DCHS2: variants seen among roughly 807,000 people sequenced by gnomAD.
DCHS2 encodes dachsous cadherin-related 2.
DCHS2 carries 142 observed loss-of-function variants against 182.4 expected under a neutral mutation model. The observed-to-expected ratio is 0.78, with a 90% CI of 0.68 to 0.89. The LOEUF is 0.89. DCHS2 is among the 40% of genes least tolerant of loss of function. The pLI is 0.00. For missense variants in DCHS2, 4,319 were observed against 4,198.6 expected, an observed-to-expected ratio of 1.03 and a Z score of -0.79; for synonymous variants, 1,740 against 1,663.3, an observed-to-expected ratio of 1.05 and a Z score of -1.12.
intron 1 of DCHS2, among the ~76,000 whole-genome samples, chr4:154,455,902 C>T (rs989296401): frequency 6.6e-6 from 1 of 152,038 alleles, no homozygotes; most frequent in Non-Finnish European, 1.5e-5. Context: ...CCAGCCTGGC[C>T]AACATGGTGA....
At chr4:154,288,111 C>A (rs1734490740) in intron 13 of DCHS2, among the ~76,000 whole-genome samples, 1 of 151,926 alleles carries the variant, frequency 6.6e-6, no homozygotes. Context: ...ACTAAACTCC[C>A]CAATCAAAAG....
chr4:154,339,414 CAAGTT>C (rs1728959320), intron 3 of DCHS2, among the ~76,000 whole-genome samples: 1 of 151,754 alleles, frequency 6.6e-6, no homozygotes, highest in African/African-American at 2.4e-5. Flanking sequence ...GTGGACTATT[CAAGTT>C]AACACATAAA....
intron 1 of DCHS2, among the ~76,000 whole-genome samples, chr4:154,475,982 T>A (rs1735664761): frequency 6.6e-6 from 1 of 152,146 alleles, no homozygotes; most frequent in Non-Finnish European, 1.5e-5. Flanking sequence ...ATAAATCAAC[T>A]CATATTCTGC....
At chr4:154,487,944 G>C (rs1374724876) in intron 1 of DCHS2, among the ~76,000 whole-genome samples, 1 of 152,216 alleles carries the variant, frequency 6.6e-6, no homozygotes, top group Non-Finnish European at 1.5e-5. Flanking sequence ...TTGGGAGGCT[G>C]AGGCGGGAGT....
At chr4:154,421,041 G>A (rs1226780868) in intron 1 of DCHS2, among the ~76,000 whole-genome samples, 1 of 152,162 alleles carries the variant, frequency 6.6e-6, no homozygotes, top group Non-Finnish European at 1.5e-5. Context: ...CACACTCACT[G>A]ACAGTGATTT....
chr4:154,375,624 G>A (rs1730853598), intron 2 of DCHS2, among the ~76,000 whole-genome samples: 1 of 152,086 alleles, frequency 6.6e-6, no homozygotes, highest in Non-Finnish European at 1.5e-5. Context: ...ACCCCAGTGT[G>A]ATATATCATT....
Position 154,235,767 on chromosome 4 carries a change from C to G in DCHS2, c.8885G>C (p.Ser2962Thr). 1 of 1,613,904 alleles carries G rather than the reference C, an allele frequency of 6.2e-7. No homozygotes were observed. Among genetic ancestry groups the G allele is most frequent in the Non-Finnish European group, 8.5e-7 (1 of 1,179,876 alleles). Residue 2962 changes from serine (S) to threonine (T), a missense_variant, in exon 20 of 20, where the codon AGT (serine) becomes ACT (threonine). Transcript: ENST00000357232. ...DTLEMKIIAHSPKSDSKFASC... is the reference protein window; with the variant it reads ...DTLEMKIIAHTPKSDSKFASC... ...TGCAAACTTGGAATCTGATTTGGGA[C>G]TATGAGCGATTATTTTCATTTCCAA...
At chr4:154,429,293 T>C (rs1733464669) in intron 1 of DCHS2, among the ~76,000 whole-genome samples, 1 of 152,164 alleles carries the variant, frequency 6.6e-6, no homozygotes. Context: ...CATCATTTTT[T>C]TGGCTGCTTG....
intron 1 of DCHS2, among the ~76,000 whole-genome samples, chr4:154,400,258 G>A (rs148817882): frequency 0.014 from 1,878 of 133,816 alleles, 36 homozygotes; most frequent in African/African-American, 0.047. Context: ...AGCCGAGATT[G>A]CGCCACTGCA....
intron 1 of DCHS2, among the ~76,000 whole-genome samples, chr4:154,474,599 A>G (rs996844898): frequency 4.6e-5 from 7 of 152,128 alleles, no homozygotes; most frequent in African/African-American, 1.7e-4. Context: ...TGTTGTTCCC[A>G]AGAGCACACA....
intron 5 of DCHS2, among the ~76,000 whole-genome samples, chr4:154,330,932 T>A: frequency 6.6e-6 from 1 of 152,274 alleles, no homozygotes; most frequent in East Asian, 1.9e-4. Flanking sequence ...GCAAATCTGA[T>A]GGATAAGCAG....
chr4:154,246,814 T>G (rs1732094860), intron 16 of DCHS2, among the ~76,000 whole-genome samples: 1 of 151,856 alleles, frequency 6.6e-6, no homozygotes, highest in Non-Finnish European at 1.5e-5. Context: ...TCAGGAAATA[T>G]CTTCCCAAAA....
At chr4:154,288,867 C>CT (rs1307799157) in intron 13 of DCHS2, among the ~76,000 whole-genome samples, 1 of 152,036 alleles carries the variant, frequency 6.6e-6, no homozygotes, top group Non-Finnish European at 1.5e-5. Context: ...TTAAACATTT[C>CT]TTGAAACAAA....
chr4:154,302,613 C>T (rs1735244515), intron 12 of DCHS2, among the ~76,000 whole-genome samples: 1 of 151,904 alleles, frequency 6.6e-6, no homozygotes, highest in Non-Finnish European at 1.5e-5. Context: ...AAGGTATGCT[C>T]TCTGCTCCTG....
At chr4:154,252,410 C>A (rs907306001) in intron 16 of DCHS2, among the ~76,000 whole-genome samples, 1 of 152,080 alleles carries the variant, frequency 6.6e-6, no homozygotes, top group South Asian at 2.1e-4. Context: ...TTTGTACCAG[C>A]AAATACTGGG....
At chr4:154,301,603 T>G (rs928699218) in intron 12 of DCHS2, among the ~76,000 whole-genome samples, 1 of 152,160 alleles carries the variant, frequency 6.6e-6, no homozygotes, top group Non-Finnish European at 1.5e-5. Flanking sequence ...CCTACCGGGT[T>G]CAAGCGATTC....
intron 1 of DCHS2, among the ~76,000 whole-genome samples, chr4:154,458,349 A>C (rs1317755055): frequency 6.6e-6 from 1 of 152,190 alleles, no homozygotes; most frequent in Admixed American, 6.5e-5. Context: ...TAAACTTAGT[A>C]TGTAGAAGCT....
At chr4:154,362,905 A>T (rs978293710) in intron 3 of DCHS2, among the ~76,000 whole-genome samples, 2 of 152,322 alleles carry the variant, frequency 1.3e-5, no homozygotes, top group Admixed American at 6.5e-5. Context: ...TACATAAAAC[A>T]CACAAAAGAT....
intron 15 of DCHS2, among the ~76,000 whole-genome samples, chr4:154,257,591 AC>A (rs1348004234): frequency 6.6e-6 from 1 of 152,026 alleles, no homozygotes; most frequent in Non-Finnish European, 1.5e-5. Flanking sequence ...TGATGACAAC[AC>A]CCCCAGGACT....
Sources: gnomAD v4.1 joint callset for allele counts (sites outside exome capture counted in the v4.1 genomes callset) on GRCh38, gnomAD v4.1.1 for gene constraint, MANE v1.5 for transcripts, NCBI Gene and HGNC (gene_info 2026-07-23, HGNC 2026-07-21) for gene names.